Variants in PES1 observed in about 807,000 individuals in gnomAD.
PES1 encodes the protein pescadillo homolog.
In PES1, 31 loss-of-function variants were observed where a neutral mutation model predicts 77.1. That is an observed-to-expected ratio of 0.40 (90% confidence interval 0.30 to 0.54). PES1 has a LOEUF of 0.54. PES1 is among the 20% of genes least tolerant of loss of function. The pLI is 0.45. For missense variants in PES1, 658 were observed against 771.7 expected, an observed-to-expected ratio of 0.85 and a Z score of 1.75; for synonymous variants, 282 against 303.0, an observed-to-expected ratio of 0.93 and a Z score of 0.72.
chr22:30,599,563 C>A (rs568078853), intron 2 of PES1, among the ~76,000 whole-genome samples: 48 of 152,258 alleles, frequency 3.2e-4, no homozygotes, highest in Middle Eastern at 3.4e-3. Context: ...TAATGATTAC[C>A]TTTGTCTAAT....
chr22:30,592,177 G>T, upstream of PES1: 1 of 1,095,542 alleles, frequency 9.1e-7, no homozygotes. Flanking sequence ...ATGTTGGGAC[G>T]GAGAGGGGCG....
At chr22:30,590,945 T>C (rs1192267290) in intron 1 of PES1, among the ~76,000 whole-genome samples, 1 of 152,240 alleles carries the variant, frequency 6.6e-6, no homozygotes, top group Non-Finnish European at 1.5e-5. Flanking sequence ...ATACTCAATG[T>C]AGTGTGTTGG....
At chr22:30,597,825 C>T (rs1213311135) in intron 2 of PES1, among the ~76,000 whole-genome samples, 3 of 151,508 alleles carry the variant, frequency 2.0e-5, no homozygotes, top group African/African-American at 7.3e-5. Context: ...TAAAAGCAGG[C>T]TGCCCGACTC....
chr22:30,592,310 G>A, upstream of PES1: 3 of 991,554 alleles, frequency 3.0e-6, no homozygotes, highest in Non-Finnish European at 3.6e-6. Flanking sequence ...GGCTGCCGCT[G>A]CTGAGAAGCG....
At chr22:30,597,164 G>A (rs190094880) in intron 2 of PES1, among the ~76,000 whole-genome samples, 4 of 152,150 alleles carry the variant, frequency 2.6e-5, no homozygotes, top group East Asian at 3.9e-4. Context: ...TGTGGGCTCC[G>A]GCACAGCCTA....
chr22:30,584,930 G>C (rs995393640), intron 4 of PES1, among the ~76,000 whole-genome samples: 1 of 152,168 alleles, frequency 6.6e-6, no homozygotes, highest in African/African-American at 2.4e-5. Context: ...CTGAGGACCA[G>C]AGAAGTCCCG....
chr22:30,601,008 A>C (rs1434013828), intron 2 of PES1, among the ~76,000 whole-genome samples: 1 of 152,218 alleles, frequency 6.6e-6, no homozygotes. Context: ...TAGCTGCCTC[A>C]AGGCAGTTGT....
intron 14 of PES1, among the ~76,000 whole-genome samples, chr22:30,577,870 C>T (rs543829099): frequency 6.6e-5 from 10 of 152,316 alleles, no homozygotes; most frequent in East Asian, 3.8e-4. Context: ...CATTAAGAGG[C>T]GGGCAGGAAC....
At chr22:30,588,351 G>T (rs759330417) in intron 2 of PES1, among the ~76,000 whole-genome samples, 177 bp from the exon 3 acceptor site, 9 of 152,146 alleles carry the variant, frequency 5.9e-5, no homozygotes, top group Non-Finnish European at 1.0e-4. Context: ...ACGCAGACTT[G>T]CGAGTCTCTA....
intron 6 of PES1, among the ~76,000 whole-genome samples, 163 bp from the exon 7 acceptor site, chr22:30,581,807 A>T (rs1445606501): frequency 6.6e-6 from 1 of 152,144 alleles, no homozygotes; most frequent in East Asian, 1.9e-4. Flanking sequence ...GGTGGCATGG[A>T]TCTTCCCACC....
chr22:30,584,549 G>A lies in PES1; in HGVS notation c.537C>T (p.Arg179=). The A allele has an allele frequency of 3.1e-6, 5 of 1,610,828 alleles. No homozygotes were observed. Among genetic ancestry groups the A allele is most frequent in the Non-Finnish European group, 4.2e-6 (5 of 1,178,490 alleles). Residue 179 remains arginine, a synonymous_variant, in exon 5 of 15, where the codon CGC becomes CGT. Transcript: ENST00000354694. The stretch of plus-strand genomic sequence containing the variant: ...AGCCGGGCAGTCCCAGGCTCACCTT[G>A]CGCAGGGCACGGGCAGCGATAATGT... ...MHYIIAARAL[R]KVFLSIKGIY...
rs1351718723 is a variant in PES1 at position 30,580,655 on chromosome 22, T to C, written c.959A>G (p.Gln320Arg). 1 of 1,613,624 alleles carries C rather than the reference T, an allele frequency of 6.2e-7. No individual in the cohort carries two copies. The highest frequency in any genetic ancestry group is 1.6e-4 in the Middle Eastern group (1 of 6,062). Residue 320 changes from glutamine (Q) to arginine (R), a missense_variant, in exon 10 of 15, where the codon CAG becomes CGG. By Grantham distance (43) the Gln-to-Arg change is conservative. Transcript: ENST00000354694. Reference protein sequence around the residue: ...EEDRRKELEAQEKHKKLFEGL... With the variant: ...EEDRRKELEAREKHKKLFEGL... ...CTCAAAAAGCTTCTTGTGCTTCTCCTGCGCCTCCAGCTCCTTCCTGCGGTC... is the reference window on the plus strand; with the variant it reads ...CTCAAAAAGCTTCTTGTGCTTCTCCCGCGCCTCCAGCTCCTTCCTGCGGTC...
upstream of PES1, among the ~76,000 whole-genome samples, chr22:30,594,113 C>A (rs926411874): frequency 6.6e-6 from 1 of 152,214 alleles, no homozygotes; most frequent in Non-Finnish European, 1.5e-5. Flanking sequence ...TACCTCTAAG[C>A]CTCGGACAAG....
In PES1 at chr22:30,579,234, C is replaced by T. The variant is rs1174976308; in HGVS notation, c.1424G>A (p.Gly475Glu). The T allele has an allele frequency of 8.7e-6, 14 of 1,604,840 alleles. No homozygotes were observed. Among genetic ancestry groups the T allele is most frequent in the Non-Finnish European group, 1.2e-5 (14 of 1,179,064 alleles). The stretch of plus-strand genomic sequence containing the variant: ...ATCTTCCTCCTCCTCCTCATTTTCT[C>T]CCTCTTCATCACCATCACCTTCGTT... ...DNNEGDGDEE[G>E]ENEEEEEDAE... Residue 475 changes from glycine to glutamate, a missense_variant, in exon 13 of 15, where the codon GGA (glycine) becomes GAA (glutamate). Transcript: ENST00000354694.
At chr22:30,588,247 G>A (rs2087123082) in intron 2 of PES1, 73 bp from the exon 3 acceptor site, 1 of 1,578,310 alleles carries the variant, frequency 6.3e-7, no homozygotes, top group Non-Finnish European at 8.7e-7. Context: ...AGCTGGGCCT[G>A]GAAAACAACA....
intron 14 of PES1, 112 bp downstream of exon 14, chr22:30,578,725 A>C: frequency 8.1e-7 from 1 of 1,235,816 alleles, no homozygotes; most frequent in Non-Finnish European, 1.1e-6. Context: ...CCTCAGGAAA[A>C]GGCTAGGAGA....
At chr22:30,600,588 C>T (rs1054188524) in intron 2 of PES1, among the ~76,000 whole-genome samples, 6 of 151,870 alleles carry the variant, frequency 4.0e-5, no homozygotes, top group Non-Finnish European at 7.4e-5. Flanking sequence ...AGGCCGAGGC[C>T]GGTGGATCAC....
chr22:30,585,731 TAA>T (rs1189691770), intron 4 of PES1, among the ~76,000 whole-genome samples: 35 of 33,344 alleles, frequency 1.0e-3, no homozygotes, highest in East Asian at 1.7e-3. Flanking sequence ...GGGCAGGGGT[TAA>T]AAAAAAAAAA....
chr22:30,596,728 T>C (rs2087257529), upstream of PES1, among the ~76,000 whole-genome samples: 1 of 152,242 alleles, frequency 6.6e-6, no homozygotes, highest in African/African-American at 2.4e-5. Context: ...TCGCTCTCAG[T>C]GCCTCCTCGG....
Sources: allele counts gnomAD v4.1 joint callset (sites outside exome capture counted in the v4.1 genomes callset), GRCh38; gene constraint gnomAD v4.1.1; transcripts MANE v1.5; gene names NCBI Gene and HGNC (gene_info 2026-07-23, HGNC 2026-07-21).